The following SKIC3 variants were observed in gnomAD, a reference collection of about 807,000 sequenced individuals.
SKIC3 encodes SKI3 subunit of superkiller complex, also known as superkiller complex protein 3.
chr5:95,495,217 TA>T, the SKIC3 span: 5 of 566,318 alleles, frequency 8.8e-6, no homozygotes, highest in African/African-American at 7.5e-5. Context: ...AAATCTTTTC[TA>T]CTGTGACCAA....
the SKIC3 span, among the ~76,000 whole-genome samples, chr5:95,499,188 T>C: frequency 6.6e-6 from 1 of 152,198 alleles, no homozygotes; most frequent in Admixed American, 6.5e-5. Flanking sequence ...AAATTCCATG[T>C]TGAATTGTAA....
At chr5:95,536,799 T>C in the SKIC3 span, 6 of 1,581,338 alleles carry the variant, frequency 3.8e-6, no homozygotes, top group Non-Finnish European at 4.3e-6. Context: ...ACACACACTA[T>C]AATAAGGAAG....
chr5:95,464,740 T>G, the SKIC3 span: 1 of 1,427,450 alleles, frequency 7.0e-7, no homozygotes, highest in Non-Finnish European at 9.8e-7. Context: ...ATCTATATTT[T>G]GATTCATTGA....
the SKIC3 span, among the ~76,000 whole-genome samples, chr5:95,488,073 C>T: frequency 1.3e-5 from 2 of 151,806 alleles, no homozygotes; most frequent in Admixed American, 6.6e-5. Context: ...CAACAACAGA[C>T]TAGATCAAGC....
the SKIC3 span, among the ~76,000 whole-genome samples, chr5:95,535,935 CTT>C: frequency 6.6e-6 from 1 of 152,070 alleles, no homozygotes; most frequent in African/African-American, 2.4e-5. Context: ...CAGTGACTGA[CTT>C]CTGTGAATTT....
At chr5:95,516,617 C>A in the SKIC3 span, 1 of 1,613,152 alleles carries the variant, frequency 6.2e-7, no homozygotes, top group Non-Finnish European at 8.5e-7. Context: ...TGAAACTGAA[C>A]TTTGTTTGAA....
the SKIC3 span, among the ~76,000 whole-genome samples, chr5:95,497,937 A>AC: frequency 6.6e-6 from 1 of 152,168 alleles, no homozygotes; most frequent in Non-Finnish European, 1.5e-5. Flanking sequence ...TACAGACATG[A>AC]CACTTTACTG....
chr5:95,525,816 A>G, the SKIC3 span: 1 of 754,526 alleles, frequency 1.3e-6, no homozygotes, highest in Non-Finnish European at 2.2e-6. Flanking sequence ...CACTAATAAC[A>G]CATCTTCACT....
At chr5:95,512,894 C>A in the SKIC3 span, 2 of 385,916 alleles carry the variant, frequency 5.2e-6, no homozygotes, top group Non-Finnish European at 9.4e-6. Context: ...CCTTCCTCAG[C>A]ACCATTGCCA....
chr5:95,479,675 TTGTGTGTGTGTGTGTG>T, the SKIC3 span, among the ~76,000 whole-genome samples: 9 of 143,986 alleles, frequency 6.3e-5, no homozygotes, highest in Non-Finnish European at 9.3e-5. Context: ...GGAAAAAACA[TTGTGTGTGTGTGTGTG>T]TGTGTGTGTG....
chr5:95,475,890 T>C, the SKIC3 span, among the ~76,000 whole-genome samples: 991 of 152,314 alleles, frequency 6.5e-3, 5 homozygotes, highest in African/African-American at 0.018. Context: ...GGCTCTTCTG[T>C]ACTTCTTCAC....
the SKIC3 span, among the ~76,000 whole-genome samples, chr5:95,467,049 A>G: frequency 6.6e-6 from 1 of 152,164 alleles, no homozygotes; most frequent in African/African-American, 2.4e-5. Flanking sequence ...TTGGGTTTAG[A>G]TGGTCATATA....
At chr5:95,551,675 C>T in the SKIC3 span, among the ~76,000 whole-genome samples, 4 of 152,208 alleles carry the variant, frequency 2.6e-5, no homozygotes, top group Non-Finnish European at 5.9e-5. Context: ...ACCCTAGATC[C>T]TGTCAGCCCC....
chr5:95,497,541 T>C, the SKIC3 span: 2 of 1,362,630 alleles, frequency 1.5e-6, no homozygotes, highest in Non-Finnish European at 2.1e-6. Context: ...AACCACAAAA[T>C]GTACAAGCAA....
At chr5:95,543,097 T>C in the SKIC3 span, 7 of 1,485,422 alleles carry the variant, frequency 4.7e-6, no homozygotes, top group African/African-American at 4.2e-5. Context: ...TAGGTTTAAA[T>C]GCTTAGTTTA....
chr5:95,490,917 A>G, the SKIC3 span: 1 of 1,614,186 alleles, frequency 6.2e-7, no homozygotes, highest in Non-Finnish European at 8.5e-7. Context: ...CTTGAAGCAG[A>G]AACAGCAGAT....
the SKIC3 span, among the ~76,000 whole-genome samples, chr5:95,471,484 G>A: frequency 6.6e-6 from 1 of 151,850 alleles, no homozygotes; most frequent in Non-Finnish European, 1.5e-5. Flanking sequence ...GGCCCCATGA[G>A]TCTTATTCCA....
the SKIC3 span, among the ~76,000 whole-genome samples, chr5:95,544,123 C>G: frequency 2.6e-5 from 4 of 152,142 alleles, no homozygotes; most frequent in Admixed American, 1.3e-4. Flanking sequence ...CCCTAATATG[C>G]AGTACAAGCT....
chr5:95,530,415 T>A, the SKIC3 span, among the ~76,000 whole-genome samples: 2 of 152,312 alleles, frequency 1.3e-5, no homozygotes, highest in African/African-American at 4.8e-5. Context: ...TTTAAATAAT[T>A]ATGATTTTTC....
Sources: gnomAD v4.1 joint callset for allele counts (sites outside exome capture counted in the v4.1 genomes callset) on GRCh38, gnomAD v4.1.1 for gene constraint, MANE v1.5 for transcripts, NCBI Gene and HGNC (gene_info 2026-07-23, HGNC 2026-07-21) for gene names.